The following MIOS variants were observed in gnomAD, a reference collection of about 807,000 sequenced individuals.
The protein encoded by MIOS is GATOR2 complex protein MIOS.
In MIOS, 52 loss-of-function variants were observed where a neutral mutation model predicts 96.9. That is an observed-to-expected ratio of 0.54 (90% CI 0.43 to 0.68). The LOEUF is 0.68. MIOS is among the 30% of genes least tolerant of loss of function. The pLI is 0.00. For synonymous variants in MIOS, 397 were observed against 359.5 expected, an observed-to-expected ratio of 1.10 and a Z score of -1.18; for missense variants, 1,005 against 1,052.8, an observed-to-expected ratio of 0.95 and a Z score of 0.63.
rs764036994 is a variant in MIOS, at chr7:7,572,944, C to G, written c.469C>G (p.Pro157Ala). The G allele has an allele frequency of 2.5e-6, 4 of 1,613,986 alleles. No individual in the cohort carries two copies. The East Asian group carries it at 8.9e-5, about 36-fold the overall frequency. Residue 157 changes from proline to alanine, a missense_variant, in exon 4 of 13, where the codon CCC becomes GCC. Physicochemically the swap from Pro to Ala is conservative, Grantham distance 27 (BLOSUM62 -1). Transcript: ENST00000340080. The surrounding 1 kb of genome is among the most constrained non-coding windows in gnomAD (Gnocchi z 4.8). Reference sequence around the variant, plus strand: ...CAGCAAATATACTCCTGATATAGTTCCCATGGAAAAAGTGAAACTTTCAGC... The same window carrying G: ...CAGCAAATATACTCCTGATATAGTTGCCATGGAAAAAGTGAAACTTTCAGC... The part of the protein sequence containing the change: ...ICSKYTPDIV[P>A]MEKVKLSAGE...
chr7:7,593,897 A>AAAAAAG (rs1563036584), intron 9 of MIOS, among the ~76,000 whole-genome samples: 2 of 92,916 alleles, frequency 2.2e-5, no homozygotes, highest in African/African-American at 9.0e-5. Context: ...AAAAAAAAAG[A>AAAAAAG]AAAAGAAAAG....
At chr7:7,578,541 A>G (rs1161499437) in intron 5 of MIOS, among the ~76,000 whole-genome samples, 1 of 152,126 alleles carries the variant, frequency 6.6e-6, no homozygotes, top group East Asian at 1.9e-4. Flanking sequence ...AATCTAGAGA[A>G]CTGAGAATTT....
rs777015316 is a variant in MIOS at position 7,573,139 on chromosome 7, G to A, written c.664G>A (p.Val222Ile). 3.7e-5 allele frequency: 59 copies of A among 1,614,030 alleles called. No homozygotes were observed. Among genetic ancestry groups the A allele is most frequent in the Non-Finnish European group, 4.4e-5 (52 of 1,179,952 alleles). ...DLRNTSQKMF[V>I]NTKAVQGVTV... is the part of the protein sequence containing the mutation. The stretch of plus-strand genomic sequence containing the variant: ...TCGGAATACAAGCCAAAAGATGTTC[G>A]TAAATACAAAAGCTGTTCAGGGTGT... The change falls in exon 4 of 13, where the codon GTA becomes ATA. Residue 222 changes from valine (V) to isoleucine (I), a missense_variant. Coordinates refer to ENST00000340080, the MANE Select transcript of MIOS (RefSeq NM_019005.4). The surrounding 1 kb of genome is among the most constrained non-coding windows in gnomAD (Gnocchi z 5.0).
At chr7:7,603,237 C>G (rs1184826925) in intron 11 of MIOS, among the ~76,000 whole-genome samples, 3 of 151,526 alleles carry the variant, frequency 2.0e-5, no homozygotes, top group Non-Finnish European at 3.0e-5. Context: ...AACTAAAGAG[C>G]TTCTGCACAG....
At chr7:7,604,355 G>C (rs1423190696) in intron 11 of MIOS, among the ~76,000 whole-genome samples, 3 of 152,096 alleles carry the variant, frequency 2.0e-5, no homozygotes, top group Non-Finnish European at 4.4e-5. Flanking sequence ...TTATTTAACT[G>C]AGAGTTGATA....
At chr7:7,594,082 A>G (rs1784131960) in intron 9 of MIOS, among the ~76,000 whole-genome samples, 1 of 152,126 alleles carries the variant, frequency 6.6e-6, no homozygotes, top group South Asian at 2.1e-4. Context: ...TACGGGCAAA[A>G]GAACTAAGAA....
Position 7,598,351 on chromosome 7 carries a change from C to T in MIOS, c.2401+1890C>T, listed in dbSNP as rs143696042. ...GTAGTCTGCTTTATCATTACATTAA[C>T]ATTTATGAAAGACTTGCTGGTATCA... On this transcript the variant is annotated intron_variant, in intron 11 of 12. Coordinates refer to ENST00000340080, the MANE Select transcript of MIOS (RefSeq NM_019005.4). 1.4e-3 allele frequency among the ~76,000 whole-genome samples: 213 copies of T among 152,244 alleles called. 1 individual carries two copies. Among genetic ancestry groups the T allele is most frequent in the African/African-American group, 5.0e-3 (207 of 41,522 alleles).
At chr7:7,576,729 A>G (rs148561866) in intron 5 of MIOS, among the ~76,000 whole-genome samples, 1 of 152,316 alleles carries the variant, frequency 6.6e-6, no homozygotes, top group East Asian at 1.9e-4. Context: ...AAGGATCAAG[A>G]TTGATAGTAG....
At chr7:7,601,767 A>C (rs1052831061) in intron 11 of MIOS, among the ~76,000 whole-genome samples, 2 of 152,102 alleles carry the variant, frequency 1.3e-5, no homozygotes, top group Non-Finnish European at 2.9e-5. Context: ...GAGACACAAC[A>C]AAAAAAGAGA....
chr7:7,583,190 A>T lies in MIOS; in HGVS notation c.1466A>T (p.Glu489Val). ...KQSDIQNLNE[E>V]RILALQLCGW... The stretch of plus-strand genomic sequence containing the variant: ...AGTGATATTCAAAATTTAAATGAAG[A>T]GAGAATCTTAGCTTTACAGCTTTGT... The change falls in exon 6 of 13, where the codon GAG becomes GTG. Residue 489 changes from glutamate to valine, a missense_variant. This residue lies in a region of MIOS where 865 missense variants were observed against 887.9 expected (regional missense o/e 0.97). Coordinates refer to ENST00000340080, the MANE Select transcript of MIOS (RefSeq NM_019005.4). 6.2e-7 allele frequency: 1 copy of T among 1,614,172 alleles called. No individual in the cohort carries two copies. The highest frequency in any genetic ancestry group is 1.6e-4 in the Middle Eastern group (1 of 6,062).
At position 7,600,881 on chromosome 7, in the gene MIOS, T is replaced by A. The variant is rs184986152; in HGVS notation, c.2401+4420T>A. ...TAACAAACTGTCTCTCAGACCACAG[T>A]GCAATCAAACTAGAACTCAGGATTA... is the stretch of plus-strand genomic sequence containing the variant. On this transcript the variant is annotated intron_variant, in intron 11 of 12. Transcript: ENST00000340080. Among the ~76,000 whole-genome samples the A allele has an allele frequency of 7.6e-3, 1,157 of 152,212 alleles. 5 individuals carry two copies. Among genetic ancestry groups the A allele is most frequent in the Middle Eastern group, 0.034 (10 of 294 alleles).
At chr7:7,601,886 G>A (rs1784389505) in intron 11 of MIOS, among the ~76,000 whole-genome samples, 1 of 152,136 alleles carries the variant, frequency 6.6e-6, no homozygotes, top group East Asian at 1.9e-4. Flanking sequence ...GATCAAGTGG[G>A]CTTCATCCCT....
In MIOS at chr7:7,589,399, T is replaced by C. The variant is rs1783983654; in HGVS notation, c.1885-6T>C. 1.9e-6 allele frequency: 3 copies of C among 1,611,664 alleles called. No individual in the cohort carries two copies. Among genetic ancestry groups the C allele is most frequent in the Non-Finnish European group, 8.5e-7 (1 of 1,178,588 alleles). On this transcript the variant is annotated splice_polypyrimidine_tract_variant and splice_region_variant and intron_variant, in intron 8 of 12. Coordinates refer to ENST00000340080, the MANE Select transcript of MIOS (RefSeq NM_019005.4). The stretch of plus-strand genomic sequence containing the variant: ...TGCTTTAGAAAAATCACTTTAAATT[T>C]TCCAGTTAAATAGATACATCGAAAA...
intron 3 of MIOS, among the ~76,000 whole-genome samples, chr7:7,571,369 A>T (rs1397359614): frequency 1.3e-5 from 2 of 152,334 alleles, no homozygotes; most frequent in Non-Finnish European, 2.9e-5. Flanking sequence ...CGAAAACTGA[A>T]AGAGCCTCTA....
chr7:7,598,431 A>G (rs1346550983), intron 11 of MIOS, among the ~76,000 whole-genome samples: 2 of 152,204 alleles, frequency 1.3e-5, no homozygotes, highest in Non-Finnish European at 2.9e-5. Context: ...AATGAAGAGA[A>G]TATGTAATGT....
chr7:7,580,982 T>C (rs28622032), intron 5 of MIOS, among the ~76,000 whole-genome samples: 120,719 of 148,376 alleles, frequency 0.81, 49,140 homozygotes, highest in Admixed American at 0.86. Flanking sequence ...CCACGGTGCC[T>C]GGCCTAAAAT....
At chr7:7,571,812 A>G (rs1247229210) in intron 3 of MIOS, among the ~76,000 whole-genome samples, 1 of 152,230 alleles carries the variant, frequency 6.6e-6, no homozygotes, top group Non-Finnish European at 1.5e-5. Context: ...TTATTACTAA[A>G]GTTGAAGAAA....
intron 9 of MIOS, among the ~76,000 whole-genome samples, chr7:7,591,346 G>A (rs1784043738): frequency 6.7e-6 from 1 of 149,440 alleles, no homozygotes; most frequent in Non-Finnish European, 1.5e-5. Flanking sequence ...CCCAGGCTGG[G>A]GTGGATCTCA....
rs1404186625 is a variant in MIOS, at chr7:7,585,621, G to T, written c.1649-15G>T. ...TTTTGATCACTTTGATTAGCTGGCT[G>T]TTTTTAATATGCAGGAGATCTGAAT... On this transcript the variant is annotated splice_polypyrimidine_tract_variant and intron_variant, in intron 6 of 12. Transcript: ENST00000340080. 1.3e-6 allele frequency: 2 copies of T among 1,565,736 alleles called. No homozygotes were observed. The highest frequency in any genetic ancestry group is 2.4e-5 in the South Asian group (2 of 83,934).
Sources: gnomAD v4.1 joint callset for allele counts (sites outside exome capture counted in the v4.1 genomes callset) on GRCh38, gnomAD v4.1.1 for gene constraint, gnomAD v4.1.1 regional missense constraint, Gnocchi (gnomAD v3.1) non-coding constraint, MANE v1.5 for transcripts, NCBI Gene and HGNC (gene_info 2026-07-23, HGNC 2026-07-21) for gene names.